The following KANK4 variants were observed in gnomAD, a reference collection of about 807,000 sequenced individuals.
KANK4 encodes the protein KN motif and ankyrin repeat domain-containing protein 4.
KANK4 carries 50 observed loss-of-function variants against 80.8 expected under a neutral mutation model. The observed-to-expected ratio is 0.62, with a 90% confidence interval of 0.49 to 0.78. The LOEUF is 0.78. KANK4 is among the 30% of genes least tolerant of loss of function. KANK4 has a pLI of 0.00. For synonymous variants in KANK4, 465 were observed against 506.9 expected (o/e 0.92, Z 1.11); for missense variants, 1,196 against 1,240.1 (o/e 0.96, Z 0.53).
Position 62,293,065 on chromosome 1 carries a change from TGTGTG to T in KANK4, c.-70-11436_-70-11432del, listed in dbSNP as rs1672717663. On this transcript the variant is annotated intron_variant, in intron 1 of 9. Coordinates refer to ENST00000371153, the MANE Select transcript of KANK4 (RefSeq NM_181712.5). ...CTGCCATTAAGTGTCTCAATCTTTG[TGTGTG>T]TGTGTGTGTGTGTGTGTGTGTGTGT... Among the ~76,000 whole-genome samples the T allele has an allele frequency of 5.9e-4, 5 of 8,522 alleles. No individual in the cohort carries two copies. In the Admixed American group the frequency reaches 7.8e-3, roughly 13 times the overall value. The allele number at this position is 8,522 out of a possible 152,430, so 5.6% of individuals were successfully genotyped here.
intron 1 of KANK4, among the ~76,000 whole-genome samples, chr1:62,297,261 T>A (rs1417234693): frequency 6.7e-6 from 1 of 149,816 alleles, no homozygotes; most frequent in African/African-American, 2.5e-5. Context: ...TAAAAAATAC[T>A]AGTAAATACT....
chr1:62,249,705 G>A (rs1163537235), intron 8 of KANK4, among the ~76,000 whole-genome samples: 2 of 151,846 alleles, frequency 1.3e-5, no homozygotes, highest in African/African-American at 4.8e-5. Flanking sequence ...ATTACGCCAG[G>A]CTAATTTTTG....
chr1:62,246,936 T>C (rs939079751), intron 9 of KANK4, among the ~76,000 whole-genome samples: 4 of 152,016 alleles, frequency 2.6e-5, no homozygotes, highest in Admixed American at 2.0e-4. Context: ...AATTTTTGTA[T>C]TTTTAGTAGA....
chr1:62,264,638 G>T (rs1671976286), intron 6 of KANK4, among the ~76,000 whole-genome samples: 1 of 152,124 alleles, frequency 6.6e-6, no homozygotes, highest in Admixed American at 6.6e-5. Flanking sequence ...ATCCTAACAT[G>T]GGTGTGGTGC....
chr1:62,296,511 G>A (rs148619183), intron 1 of KANK4, among the ~76,000 whole-genome samples: 2 of 152,146 alleles, frequency 1.3e-5, no homozygotes, highest in Middle Eastern at 3.2e-3. Context: ...TACTTAGAAG[G>A]CTCCGAAAGC....
Position 62,238,205 on chromosome 1 carries a change from C to T in KANK4, c.*72G>A, listed in dbSNP as rs1671249939. ...GTGGCTCTCTGGCCTGTGACCTCTG[C>T]CCTCTTCAAGGGCGAGGGAGGAGTC... On this transcript the variant is annotated 3_prime_UTR_variant, in exon 10 of 10. Transcript: ENST00000371153. The T allele has an allele frequency of 5.5e-6, 6 of 1,091,226 alleles. No homozygotes were observed. Among genetic ancestry groups the T allele is most frequent in the African/African-American group, 4.7e-5 (3 of 64,286 alleles). The allele number at this position is 1,091,226 out of a possible 1,614,324, so 67.6% of individuals were successfully genotyped here.
intron 8 of KANK4, among the ~76,000 whole-genome samples, chr1:62,252,179 T>A (rs1335071075): frequency 6.6e-6 from 1 of 151,946 alleles, no homozygotes; most frequent in Non-Finnish European, 1.5e-5. Flanking sequence ...TAATAAGGGG[T>A]AGACCTAGGT....
intron 4 of KANK4, among the ~76,000 whole-genome samples, chr1:62,270,541 C>T (rs1047597613): frequency 2.0e-5 from 3 of 152,084 alleles, no homozygotes; most frequent in South Asian, 4.2e-4. Flanking sequence ...CATGTCCCCA[C>T]ACCCAACTAA....
intron 6 of KANK4, among the ~76,000 whole-genome samples, 183 bp downstream of exon 6, chr1:62,266,547 ACT>A (rs2149135572): frequency 6.6e-6 from 1 of 150,962 alleles, no homozygotes; most frequent in South Asian, 2.1e-4. Flanking sequence ...CACACTGCAC[ACT>A]CACACCATTC....
chr1:62,249,612 G>A lies in KANK4; in HGVS notation c.2683-1940C>T, dbSNP rs192707907. ...GGCTGGAGTGCAATGGTGCAATCTC[G>A]GCTCACTGCAACCTCTGCCTCACGG... On this transcript the variant is annotated intron_variant, in intron 8 of 9. Coordinates refer to ENST00000371153, the MANE Select transcript of KANK4 (RefSeq NM_181712.5). Among the ~76,000 whole-genome samples, 160 of 149,320 alleles carry A rather than the reference G, an allele frequency of 1.1e-3. 4 individuals are homozygous for A. The East Asian group carries it at 0.028, about 26-fold the overall frequency.
chr1:62,265,235 C>CT (rs200158732), intron 6 of KANK4, among the ~76,000 whole-genome samples: 8,354 of 147,388 alleles, frequency 0.057, 332 homozygotes, highest in South Asian at 0.2. Context: ...CATATTGGTT[C>CT]TTTTTTTTTT....
chr1:62,272,783 A>AT (rs1236494319), intron 3 of KANK4: 2 of 147,726 alleles, frequency 1.4e-5, no homozygotes, highest in African/African-American at 5.4e-5. Context: ...AAGTACTAAA[A>AT]TCTTTTTTTC....
At chr1:62,285,639 C>T (rs1672546635) in intron 1 of KANK4, among the ~76,000 whole-genome samples, 1 of 152,162 alleles carries the variant, frequency 6.6e-6, no homozygotes, top group Non-Finnish European at 1.5e-5. Context: ...GAAAAGACAG[C>T]TTGGCTCAAG....
In KANK4 at chr1:62,238,229, T is replaced by C. The variant is rs781040356; in HGVS notation, c.*48A>G. On this transcript the variant is annotated 3_prime_UTR_variant, in exon 10 of 10. Transcript: ENST00000371153. ...GCCCTCTTCAAGGGCGAGGGAGGAG[T>C]CCAGAGAAGAAGGCTTTTGTTCCCC... The C allele has an allele frequency of 1.4e-6, 2 of 1,393,822 alleles. No homozygotes were observed. Among genetic ancestry groups the C allele is most frequent in the South Asian group, 2.3e-5 (2 of 85,698 alleles). The allele number at this position is 1,393,822 out of a possible 1,614,324, so 86.3% of individuals were successfully genotyped here.
At chr1:62,318,730 G>A (rs1339726865) in intron 1 of KANK4, among the ~76,000 whole-genome samples, 1 of 152,202 alleles carries the variant, frequency 6.6e-6, no homozygotes, top group Non-Finnish European at 1.5e-5. Context: ...AGCTGGGCGG[G>A]GGCTGCACCA....
At chr1:62,257,756 C>T (rs1467053005) in intron 7 of KANK4, among the ~76,000 whole-genome samples, 1 of 152,154 alleles carries the variant, frequency 6.6e-6, no homozygotes, top group East Asian at 1.9e-4. Context: ...CTCCCCAACC[C>T]CCTTCTTACT....
chr1:62,318,344 G>A (rs112876435), intron 1 of KANK4, among the ~76,000 whole-genome samples: 2,297 of 152,356 alleles, frequency 0.015, 63 homozygotes, highest in African/African-American at 0.052. Context: ...CAGACCCAGC[G>A]TAGCGGCCAT....
At chr1:62,306,663 T>C (rs1644453956) in intron 1 of KANK4, among the ~76,000 whole-genome samples, 1 of 152,154 alleles carries the variant, frequency 6.6e-6, no homozygotes, top group South Asian at 2.1e-4. Context: ...ATTACCTCTA[T>C]ATATTTTTCA....
chr1:62,274,227 T>C lies in KANK4; in HGVS notation c.877A>G (p.Ile293Val), dbSNP rs1226414325. The C allele has an allele frequency of 6.2e-7, 1 of 1,614,068 alleles. No homozygotes were observed. Among genetic ancestry groups the C allele is most frequent in the South Asian group, 1.1e-5 (1 of 91,066 alleles). ...TCCAGGAGGAGCTCATTCTCAGGGA[T>C]GGGTGATGGCAGAGGTGGCGGGCTT... The part of the protein sequence containing the change: ...TPSPPPLPSP[I>V]PENELLLEEI... Residue 293 changes from isoleucine (I) to valine (V), a missense_variant, in exon 3 of 10, where the codon ATC becomes GTC. Physicochemically the swap from Ile to Val is conservative, Grantham distance 29. This residue lies in a region of KANK4 where 1,154 missense variants were observed against 1,179.6 expected (regional missense o/e 0.98). Transcript: ENST00000371153.
Sources: gnomAD v4.1 joint callset for allele counts (sites outside exome capture counted in the v4.1 genomes callset) on GRCh38, gnomAD v4.1.1 for gene constraint, gnomAD v4.1.1 regional missense constraint, MANE v1.5 for transcripts, NCBI Gene and HGNC (gene_info 2026-07-23, HGNC 2026-07-21) for gene names.